ANO5: variants seen among roughly 807,000 people sequenced by gnomAD.
ANO5 encodes anoctamin 5.
A neutral mutation model predicts 121.0 loss-of-function variants in ANO5; 109 were observed. The ratio of observed to expected loss-of-function variants is 0.90; its 90% CI spans 0.77 to 1.06. The LOEUF (loss-of-function observed/expected upper bound fraction) is 1.06, where lower values mean the gene tolerates loss of function less well. Among genes scored for constraint, ANO5 ranks in the 50% least tolerant of loss-of-function variants. The pLI is 0.00. For synonymous variants in ANO5, 406 were observed against 359.9 expected (o/e 1.13, Z -1.45); for missense variants, 1,064 against 1,078.5 (o/e 0.99, Z 0.19).
chr11:22,229,359 A>T (rs963579951), intron 7 of ANO5, among the ~76,000 whole-genome samples: 1 of 151,988 alleles, frequency 6.6e-6, no homozygotes, highest in African/African-American at 2.4e-5. Context: ...TAGTCAACAA[A>T]ATGTGATTCC....
intron 5 of ANO5, among the ~76,000 whole-genome samples, chr11:22,221,631 C>T (rs1056308366): frequency 6.6e-6 from 1 of 151,880 alleles, no homozygotes; most frequent in Non-Finnish European, 1.5e-5. Flanking sequence ...TTACACATCA[C>T]TTTATGAGCT....
chr11:22,199,300 T>C (rs1220035527), intron 1 of ANO5, among the ~76,000 whole-genome samples: 2 of 152,176 alleles, frequency 1.3e-5, no homozygotes, highest in African/African-American at 4.8e-5. Context: ...ACATGCATTA[T>C]CTATTTAGTG....
chr11:22,259,563 C>A lies in ANO5; in HGVS notation c.1452C>A (p.Arg484=). ...GTATGGTAGCTGTAATTGTGTACCG[C>A]CTGTCAGTCTTTGCTACATTTGCTA... ...VTSMVAVIVY[R]LSVFATFASF... is the part of the protein sequence containing the mutation. Residue 484 remains arginine, a synonymous_variant, in exon 15 of 22, where the codon CGC becomes CGA. Coordinates refer to ENST00000324559, the MANE Select transcript of ANO5 (RefSeq NM_213599.3). 1 of 1,614,104 alleles carries A rather than the reference C, an allele frequency of 6.2e-7. No homozygotes were observed. The highest frequency in any genetic ancestry group is 8.5e-7 in the Non-Finnish European group (1 of 1,180,004).
At chr11:22,255,048 A>G (rs1853948523) in intron 12 of ANO5, among the ~76,000 whole-genome samples, 1 of 152,158 alleles carries the variant, frequency 6.6e-6, no homozygotes. Context: ...AAAAAAAAAT[A>G]TTTCAGTGTT....
At chr11:22,202,048 T>C (rs1851980541) in intron 1 of ANO5, among the ~76,000 whole-genome samples, 1 of 151,916 alleles carries the variant, frequency 6.6e-6, no homozygotes, top group Non-Finnish European at 1.5e-5. Context: ...GTTGGAGAGG[T>C]TGGTTGGTTT....
intron 17 of ANO5, among the ~76,000 whole-genome samples, chr11:22,268,242 T>C (rs1314141449): frequency 5.9e-5 from 9 of 151,982 alleles, no homozygotes; most frequent in Middle Eastern, 3.4e-3. Context: ...TCATTGAAAT[T>C]ATATTTTAAT....
Position 22,279,865 on chromosome 11 carries a change from T to C in ANO5, c.*100T>C, listed in dbSNP as rs1855017194. ...AGCCATGTGTCAATTTTACCCTTTC[T>C]TTTTTTTTTTTTTCTTTTTTTTTTT... is the stretch of plus-strand genomic sequence containing the variant. On this transcript the variant is annotated 3_prime_UTR_variant, in exon 22 of 22. Transcript: ENST00000324559. 3.1e-3 allele frequency: 3 copies of C among 956 alleles called. No homozygotes were observed. Among genetic ancestry groups the C allele is most frequent in the African/African-American group, 0.014 (2 of 138 alleles). 0.1% of individuals were successfully genotyped at this position (956 alleles called of 1,614,324 possible).
chr11:22,269,327 A>T (rs1854500825), intron 17 of ANO5, among the ~76,000 whole-genome samples: 1 of 124,564 alleles, frequency 8.0e-6, no homozygotes, highest in African/African-American at 3.4e-5. Context: ...AGGAGAAAAA[A>T]AGAAAGAGAA....
chr11:22,257,039 T>C (rs767069343), intron 13 of ANO5, among the ~76,000 whole-genome samples: 4 of 151,782 alleles, frequency 2.6e-5, no homozygotes, highest in Non-Finnish European at 5.9e-5. Context: ...TATTATGTTA[T>C]GGAATTACAT....
At chr11:22,260,032 C>G (rs1854143053) in intron 15 of ANO5, among the ~76,000 whole-genome samples, 1 of 151,354 alleles carries the variant, frequency 6.6e-6, no homozygotes, top group Admixed American at 6.6e-5. Flanking sequence ...TAGTTGAATC[C>G]TAAGAAAAAT....
intron 21 of ANO5, among the ~76,000 whole-genome samples, chr11:22,278,370 TTTTC>T (rs956827294): frequency 7.2e-5 from 11 of 151,880 alleles, no homozygotes; most frequent in South Asian, 2.1e-4. Flanking sequence ...TTGATAAATT[TTTTC>T]TTTCTTTGTG....
At chr11:22,279,433 T>C (rs1854990705) in intron 21 of ANO5, 111 bp from the exon 22 acceptor site, 2 of 884,714 alleles carry the variant, frequency 2.3e-6, no homozygotes, top group Admixed American at 4.2e-5. Flanking sequence ...CTTGCCTTTC[T>C]ACCTCATATG....
chr11:22,224,131 T>C (rs1852748636), intron 5 of ANO5, among the ~76,000 whole-genome samples: 2 of 152,066 alleles, frequency 1.3e-5, no homozygotes, highest in African/African-American at 4.8e-5. Context: ...TCTTTACTTC[T>C]CCTAAATCAC....
At chr11:22,273,058 T>A (rs1191272252) in intron 19 of ANO5, 69 bp downstream of exon 19, 15 of 1,412,498 alleles carry the variant, frequency 1.1e-5, no homozygotes, top group Non-Finnish European at 1.3e-5. Flanking sequence ...ATGTGAATGA[T>A]GCTTAATCTT....
At chr11:22,273,594 AAAG>A (rs1288502509) in intron 19 of ANO5, among the ~76,000 whole-genome samples, 2 of 152,158 alleles carry the variant, frequency 1.3e-5, no homozygotes, top group Admixed American at 6.5e-5. Flanking sequence ...TTAATTATTA[AAAG>A]AAGACTGGAA....
intron 7 of ANO5, among the ~76,000 whole-genome samples, chr11:22,233,514 G>A (rs1590255583): frequency 1.3e-5 from 2 of 152,046 alleles, no homozygotes; most frequent in East Asian, 3.9e-4. Context: ...AGGGTCCTGG[G>A]AATCTAACCA....
At chr11:22,219,654 G>A (rs1852575820) in intron 4 of ANO5, among the ~76,000 whole-genome samples, 1 of 151,958 alleles carries the variant, frequency 6.6e-6, no homozygotes, top group African/African-American at 2.4e-5. Context: ...TTCATAAGAT[G>A]CTAACGCTGT....
In ANO5 at chr11:22,210,835, T is replaced by A. The variant is rs535863520; in HGVS notation, c.88-429T>A. On this transcript the variant is annotated intron_variant, in intron 2 of 21. Transcript: ENST00000324559. Reference sequence around the variant, plus strand: ...GATTTCAAACAAATGTTGAAGGGCGTAAAATAGCCAATTAATTCTGCCTTT... The same window carrying A: ...GATTTCAAACAAATGTTGAAGGGCGAAAAATAGCCAATTAATTCTGCCTTT... 9.0e-3 allele frequency among the ~76,000 whole-genome samples: 1,373 copies of A among 152,094 alleles called. 19 individuals carry two copies. The highest frequency in any genetic ancestry group is 0.031 in the African/African-American group (1,295 of 41,552).
At chr11:22,274,340 A>ACT (rs1371020414) in intron 19 of ANO5, among the ~76,000 whole-genome samples, 3 of 151,996 alleles carry the variant, frequency 2.0e-5, no homozygotes, top group Admixed American at 2.0e-4. Context: ...TTTCGGTCTG[A>ACT]CTCTCTACTT....
Sources: allele counts gnomAD v4.1 joint callset (sites outside exome capture counted in the v4.1 genomes callset), GRCh38; gene constraint gnomAD v4.1.1; transcripts MANE v1.5; gene names NCBI Gene and HGNC (gene_info 2026-07-23, HGNC 2026-07-21).